INPP4B: variants seen among roughly 807,000 people sequenced by gnomAD.
INPP4B encodes the protein inositol polyphosphate 4-phosphatase type II.
In INPP4B, 55 loss-of-function variants were observed where a neutral mutation model predicts 122.5. That is an observed-to-expected ratio of 0.45 (90% CI 0.36 to 0.56). The LOEUF (loss-of-function observed/expected upper bound fraction) is 0.56. INPP4B is among the 20% of genes least tolerant of loss of function. The pLI is 0.00. For missense variants in INPP4B, 1,000 were observed against 1,097.7 expected (o/e 0.91, Z 1.26); for synonymous variants, 403 against 388.7 (o/e 1.04, Z -0.43).
chr4:142,379,737 C>T (rs760315449), intron 7 of INPP4B, among the ~76,000 whole-genome samples: 47 of 152,178 alleles, frequency 3.1e-4, no homozygotes, highest in Non-Finnish European at 5.4e-4. Context: ...AATATTTTGG[C>T]AATATATCAC....
At chr4:142,161,050 AT>A (rs5862574) in intron 16 of INPP4B, among the ~76,000 whole-genome samples, 6 of 149,800 alleles carry the variant, frequency 4.0e-5, no homozygotes, top group South Asian at 4.2e-4. Flanking sequence ...AAAGGAGAAG[AT>A]TTTTTTTTTA....
At chr4:142,373,427 A>G (rs1050678203) in intron 7 of INPP4B, among the ~76,000 whole-genome samples, 1 of 152,024 alleles carries the variant, frequency 6.6e-6, no homozygotes, top group African/African-American at 2.4e-5. Flanking sequence ...ACAATAAATA[A>G]TATTTACTAT....
chr4:142,075,111 C>T (rs757545969), intron 25 of INPP4B, among the ~76,000 whole-genome samples: 1 of 152,008 alleles, frequency 6.6e-6, no homozygotes, highest in Non-Finnish European at 1.5e-5. Context: ...AGTAAGTCCT[C>T]ATTGACTATT....
intron 16 of INPP4B, among the ~76,000 whole-genome samples, chr4:142,163,819 G>C (rs1469060570): frequency 6.6e-6 from 1 of 151,700 alleles, no homozygotes; most frequent in Non-Finnish European, 1.5e-5. Context: ...TGAAGTCATG[G>C]AAAGGATGTG....
chr4:142,409,918 C>T (rs1257787124), intron 5 of INPP4B, among the ~76,000 whole-genome samples: 1 of 152,186 alleles, frequency 6.6e-6, no homozygotes, highest in Non-Finnish European at 1.5e-5. Flanking sequence ...ACTGGAGAGT[C>T]CAGAGCTAAA....
chr4:142,178,833 TA>T lies in INPP4B; in HGVS notation c.1182-5025del, dbSNP rs3049049. On this transcript the variant is annotated intron_variant, in intron 15 of 25. Transcript: ENST00000262992. ...TTTTTTCTAGCTCAAACCCTACTTG[TA>T]AAAAAAAAAAAAAAAATGTGGTCTC... is the stretch of plus-strand genomic sequence containing the variant. Among the ~76,000 whole-genome samples the T allele has an allele frequency of 5.6e-3, 780 of 140,464 alleles. 5 individuals are homozygous for T. Among genetic ancestry groups the T allele is most frequent in the African/African-American group, 0.016 (616 of 38,220 alleles). 92.1% of individuals were successfully genotyped at this position (140,464 alleles called of 152,430 possible).
chr4:142,077,363 G>C (rs1771356950), intron 25 of INPP4B, among the ~76,000 whole-genome samples: 1 of 151,896 alleles, frequency 6.6e-6, no homozygotes, highest in South Asian at 2.1e-4. Flanking sequence ...TTACTACTTT[G>C]TGTAGTCATC....
intron 1 of INPP4B, among the ~76,000 whole-genome samples, chr4:142,764,992 G>GA (rs1222974561): frequency 6.6e-6 from 1 of 152,036 alleles, no homozygotes; most frequent in African/African-American, 2.4e-5. Flanking sequence ...TCAGGTGTTT[G>GA]AAAAAAGTGA....
chr4:142,381,129 A>T (rs115650787), intron 7 of INPP4B, among the ~76,000 whole-genome samples: 2 of 152,150 alleles, frequency 1.3e-5, no homozygotes, highest in African/African-American at 4.8e-5. Context: ...TAAGAGTAAC[A>T]TTGCTGGATC....
At chr4:142,197,913 CA>C (rs1295495473) in intron 14 of INPP4B, among the ~76,000 whole-genome samples, 1 of 152,034 alleles carries the variant, frequency 6.6e-6, no homozygotes, top group Non-Finnish European at 1.5e-5. Flanking sequence ...ATTCACTAAA[CA>C]AAAAAACTTA....
intron 22 of INPP4B, among the ~76,000 whole-genome samples, chr4:142,112,071 T>G (rs1031637655): frequency 8.5e-5 from 13 of 152,252 alleles, no homozygotes; most frequent in African/African-American, 2.6e-4. Flanking sequence ...AACTGACTTA[T>G]GGGATCACAG....
intron 2 of INPP4B, among the ~76,000 whole-genome samples, chr4:142,657,120 G>A (rs1172802636): frequency 6.6e-6 from 1 of 152,150 alleles, no homozygotes; most frequent in Non-Finnish European, 1.5e-5. Context: ...GTGGTCCTCT[G>A]TGTGTGTACT....
chr4:142,234,467 T>A (rs943023930), intron 12 of INPP4B, among the ~76,000 whole-genome samples: 3 of 152,324 alleles, frequency 2.0e-5, no homozygotes, highest in Admixed American at 2.0e-4. Flanking sequence ...TAACTGTATC[T>A]TCTTACACTC....
At chr4:142,833,686 T>G (rs1356440940) in intron 1 of INPP4B, among the ~76,000 whole-genome samples, 1 of 152,022 alleles carries the variant, frequency 6.6e-6, no homozygotes, top group Non-Finnish European at 1.5e-5. Context: ...GACTCAAACT[T>G]CTGGGCTCAA....
intron 3 of INPP4B, among the ~76,000 whole-genome samples, chr4:142,456,836 A>C (rs1198450561): frequency 6.6e-6 from 1 of 152,094 alleles, no homozygotes; most frequent in Non-Finnish European, 1.5e-5. Flanking sequence ...GATATCAAGA[A>C]AAAGCTAATT....
At chr4:142,568,867 A>T (rs932222001) in intron 2 of INPP4B, among the ~76,000 whole-genome samples, 6 of 152,124 alleles carry the variant, frequency 3.9e-5, no homozygotes, top group Non-Finnish European at 8.8e-5. Context: ...GCTCAGAGAA[A>T]TATTTTATAG....
intron 2 of INPP4B, among the ~76,000 whole-genome samples, chr4:142,530,464 A>G (rs1442733429): frequency 6.6e-6 from 1 of 151,944 alleles, no homozygotes; most frequent in African/African-American, 2.4e-5. Flanking sequence ...TAGAGCTTAC[A>G]TTTCAGTGGA....
chr4:142,473,508 G>A (rs1288327809), intron 2 of INPP4B: 1 of 152,684 alleles, frequency 6.5e-6, no homozygotes, highest in Non-Finnish European at 1.5e-5. Flanking sequence ...TCTAGACTGA[G>A]GCAGATGTTT....
intron 25 of INPP4B, among the ~76,000 whole-genome samples, chr4:142,042,510 G>C (rs1400850708): frequency 1.0e-4 from 2 of 19,702 alleles, no homozygotes; most frequent in Non-Finnish European, 9.5e-4. Context: ...GCCAATTTAT[G>C]TGTGTGTGTA....
Sources: gnomAD v4.1 joint callset for allele counts (sites outside exome capture counted in the v4.1 genomes callset) on GRCh38, gnomAD v4.1.1 for gene constraint, MANE v1.5 for transcripts, NCBI Gene and HGNC (gene_info 2026-07-23, HGNC 2026-07-21) for gene names.